Variants in MCU observed in about 807,000 individuals in gnomAD.
The protein encoded by MCU is mitochondrial calcium uniporter.
MCU carries 12 observed loss-of-function variants against 45.2 expected under a neutral mutation model. The observed-to-expected ratio is 0.27, with a 90% CI of 0.17 to 0.43. The LOEUF (loss-of-function observed/expected upper bound fraction) is 0.43. Among genes scored for constraint, MCU ranks in the 20% least tolerant of loss-of-function variants. The probability of loss-of-function intolerance (pLI) is 1.00; values close to 1 mark genes in which losing one functional copy is unlikely to be tolerated. For missense variants in MCU, 324 were observed against 436.7 expected, an observed-to-expected ratio of 0.74 and a Z score of 2.30; for synonymous variants, 160 against 165.1, an observed-to-expected ratio of 0.97 and a Z score of 0.24.
chr10:72,692,894 C>A, intron 1 of MCU: 8 of 1,480,676 alleles, frequency 5.4e-6, no homozygotes, highest in Non-Finnish European at 7.2e-6. Flanking sequence ...TGTGTGTGTG[C>A]ATGGGGAACC....
chr10:72,743,229 T>G (rs1184281611), intron 1 of MCU, among the ~76,000 whole-genome samples: 1 of 151,564 alleles, frequency 6.6e-6, no homozygotes, highest in African/African-American at 2.4e-5. Context: ...GTCAGTATTG[T>G]GAAACCCCGT....
chr10:72,851,729 GGT>G lies in MCU; in HGVS notation c.221-7445_221-7444del, dbSNP rs371454752. ...CTTGTGACCTCTGGAATAATGGCTT[GGT>G]GTAATCCCTTCCACTTACATCTTAG... On this transcript the variant is annotated intron_variant, in intron 2 of 7. Transcript: ENST00000373053. 5.9e-3 allele frequency among the ~76,000 whole-genome samples: 903 copies of G among 152,186 alleles called. 11 individuals carry two copies. Among genetic ancestry groups the G allele is most frequent in the African/African-American group, 0.021 (851 of 41,506 alleles).
At chr10:72,842,862 TA>T (rs1845066986) in intron 2 of MCU, among the ~76,000 whole-genome samples, 1 of 149,708 alleles carries the variant, frequency 6.7e-6, no homozygotes, top group Non-Finnish European at 1.5e-5. Flanking sequence ...AAATTATAAA[TA>T]AAATAATTTA....
rs1199583301 is a variant in MCU at position 72,693,041 on chromosome 10, C to T, written c.150+740C>T. On this transcript the variant is annotated intron_variant, in intron 1 of 7. Coordinates refer to ENST00000373053, the MANE Select transcript of MCU (RefSeq NM_138357.3). ...GCGTGCCTGAAGCGGGAAGGGTGGT[C>T]AGCAGGCACAGGAGAAGCGAATATG... 2.0e-6 allele frequency: 3 copies of T among 1,536,016 alleles called. No homozygotes were observed. In the East Asian group the frequency reaches 7.3e-5, roughly 38 times the overall value.
intron 1 of MCU, among the ~76,000 whole-genome samples, chr10:72,818,240 G>A (rs1844655411): frequency 6.6e-6 from 1 of 152,180 alleles, no homozygotes; most frequent in African/African-American, 2.4e-5. Context: ...TCAAAGCTAG[G>A]ATTAGTGAGC....
chr10:72,836,061 C>T (rs911284430), intron 2 of MCU, among the ~76,000 whole-genome samples: 2 of 152,180 alleles, frequency 1.3e-5, no homozygotes, highest in African/African-American at 4.8e-5. Flanking sequence ...GCCAGCACCA[C>T]TCCCAGGTTC....
chr10:72,823,323 T>G (rs1400848392), intron 1 of MCU, among the ~76,000 whole-genome samples: 1 of 152,156 alleles, frequency 6.6e-6, no homozygotes, highest in Admixed American at 6.5e-5. Context: ...GGTAGTGATG[T>G]TAGTAATGGA....
chr10:72,703,259 C>T (rs553379893), intron 1 of MCU, among the ~76,000 whole-genome samples: 1 of 152,212 alleles, frequency 6.6e-6, no homozygotes, highest in South Asian at 2.1e-4. Flanking sequence ...ACACTATGAC[C>T]CAGGTACTGT....
chr10:72,839,502 C>T (rs1845014197), intron 2 of MCU, among the ~76,000 whole-genome samples: 1 of 152,140 alleles, frequency 6.6e-6, no homozygotes, highest in Non-Finnish European at 1.5e-5. Context: ...TTCTTTTACA[C>T]AGCACAGTGC....
intron 1 of MCU, among the ~76,000 whole-genome samples, chr10:72,696,470 A>G (rs188089051): frequency 7.2e-4 from 109 of 152,254 alleles, no homozygotes; most frequent in African/African-American, 2.6e-3. Context: ...GTGTAGAGAA[A>G]AAAACATTTC....
intron 1 of MCU, among the ~76,000 whole-genome samples, chr10:72,702,266 A>G (rs549246088): frequency 2.2e-4 from 34 of 152,176 alleles, no homozygotes; most frequent in Non-Finnish European, 4.3e-4. Context: ...AAAAGAAAAA[A>G]AAAAGAAGAA....
intron 6 of MCU, among the ~76,000 whole-genome samples, chr10:72,879,391 C>A (rs1845666280): frequency 6.6e-6 from 1 of 152,218 alleles, no homozygotes; most frequent in Non-Finnish European, 1.5e-5. Context: ...AAAGGAGTCC[C>A]TGTTAGACTG....
intron 6 of MCU, among the ~76,000 whole-genome samples, chr10:72,875,471 TAGC>T (rs1221145413): frequency 6.6e-6 from 1 of 152,168 alleles, no homozygotes; most frequent in Non-Finnish European, 1.5e-5. Flanking sequence ...AGTTGCAAAA[TAGC>T]AGTAGTAAAT....
At chr10:72,721,806 A>T (rs758579432) in intron 1 of MCU, among the ~76,000 whole-genome samples, 1 of 152,136 alleles carries the variant, frequency 6.6e-6, no homozygotes, top group African/African-American at 2.4e-5. Context: ...TTTCTAGGCA[A>T]TGTCATCTGT....
chr10:72,795,526 A>T (rs933554291), intron 1 of MCU, among the ~76,000 whole-genome samples: 3 of 152,222 alleles, frequency 2.0e-5, no homozygotes, highest in African/African-American at 7.2e-5. Context: ...AGATGTTGAA[A>T]TATTAGTGTA....
chr10:72,883,391 C>T (rs139839016), intron 6 of MCU, among the ~76,000 whole-genome samples: 15 of 152,180 alleles, frequency 9.9e-5, no homozygotes, highest in African/African-American at 3.6e-4. Flanking sequence ...CTCAATAAAG[C>T]TTTTTTTAAA....
At chr10:72,801,358 T>C (rs957280984) in intron 1 of MCU, among the ~76,000 whole-genome samples, 2 of 150,992 alleles carry the variant, frequency 1.3e-5, no homozygotes, top group Admixed American at 6.6e-5. Context: ...GCTTTCTTTT[T>C]TTTTTTTTTT....
chr10:72,769,431 A>G (rs1037128819), intron 1 of MCU, among the ~76,000 whole-genome samples: 3 of 152,114 alleles, frequency 2.0e-5, no homozygotes, highest in African/African-American at 7.2e-5. Flanking sequence ...TTGATGAAAC[A>G]TACTATTTTA....
chr10:72,837,117 C>T (rs1338755447), intron 2 of MCU, among the ~76,000 whole-genome samples: 2 of 151,860 alleles, frequency 1.3e-5, no homozygotes, highest in African/African-American at 4.8e-5. Flanking sequence ...CTGGTTATGA[C>T]GGTAACAGCT....
Sources: gnomAD v4.1 joint callset for allele counts (sites outside exome capture counted in the v4.1 genomes callset) on GRCh38, gnomAD v4.1.1 for gene constraint, MANE v1.5 for transcripts, NCBI Gene and HGNC (gene_info 2026-07-23, HGNC 2026-07-21) for gene names.